GPC3: variants seen among roughly 807,000 people sequenced by gnomAD.
GPC3 encodes glypican 3.
In GPC3, 3 loss-of-function variants were observed where a neutral mutation model predicts 34.4. The ratio of observed to expected loss-of-function variants is 0.09; its 90% CI spans 0.04 to 0.23. The LOEUF is 0.23. GPC3 is among the 10% of genes least tolerant of loss of function. The pLI is 1.00. For synonymous variants in GPC3, 177 were observed against 174.0 expected (o/e 1.02, Z -0.13); for missense variants, 351 against 445.6 (o/e 0.79, Z 1.91).
At chrX:133,882,241 A>G (rs2267519) in intron 2 of GPC3, among the ~76,000 whole-genome samples, 44,048 of 110,197 alleles carry the variant, frequency 0.4, 7,809 homozygotes, top group African/African-American at 0.69. Context: ...TTTTGTAACC[A>G]GTGCCAGACC....
chrX:133,682,276 T>C (rs901082836), intron 5 of GPC3, among the ~76,000 whole-genome samples: 11 of 111,400 alleles, frequency 9.9e-5, no homozygotes, highest in African/African-American at 3.6e-4. Context: ...ATATAAATGT[T>C]AGAAGAAGGA....
At chrX:133,752,090 A>T (rs1047183692) in intron 3 of GPC3, among the ~76,000 whole-genome samples, 3 of 108,474 alleles carry the variant, frequency 2.8e-5, no homozygotes, top group Non-Finnish European at 5.7e-5. Flanking sequence ...CTGGTCTTGA[A>T]CTCCCAGCCT....
rs184816245 is a variant in GPC3, at chrX:133,799,581, C to T, written c.338-45405G>A. Among the ~76,000 whole-genome samples, 25 of 111,291 alleles carry T rather than the reference C, an allele frequency of 2.2e-4. No homozygotes were observed. In the East Asian group the frequency reaches 4.0e-3, roughly 18 times the overall value. On this transcript the variant is annotated intron_variant, in intron 2 of 7. Transcript: ENST00000370818. ...TATACAGTGCTACATAGCTTTTGTACGTGCTGTTTATTCTCTGTGCCTGAA... is the reference window on the plus strand; with the variant it reads ...TATACAGTGCTACATAGCTTTTGTATGTGCTGTTTATTCTCTGTGCCTGAA...
At chrX:133,752,136 G>A (rs1021945821) in intron 3 of GPC3, among the ~76,000 whole-genome samples, 4 of 110,892 alleles carry the variant, frequency 3.6e-5, no homozygotes, top group Non-Finnish European at 7.5e-5. Flanking sequence ...CCAAAGTGTT[G>A]GGATTACAGG....
At chrX:133,797,400 G>A (rs919936589) in intron 2 of GPC3, among the ~76,000 whole-genome samples, 1 of 111,580 alleles carries the variant, frequency 9.0e-6, no homozygotes, top group African/African-American at 3.3e-5. Flanking sequence ...ATGCTTGCTT[G>A]AACCTGGTGT....
intron 5 of GPC3, among the ~76,000 whole-genome samples, chrX:133,690,001 G>GAAAATTAAA (rs1352045752): frequency 2.4e-4 from 27 of 110,585 alleles, no homozygotes; most frequent in Non-Finnish European, 3.6e-4. Context: ...GTTTTTTTCT[G>GAAAATTAAA]AAAATTAAAA....
intron 3 of GPC3, among the ~76,000 whole-genome samples, chrX:133,732,353 A>G (rs2071470361): frequency 8.9e-6 from 1 of 111,791 alleles, no homozygotes; most frequent in Non-Finnish European, 1.9e-5. Flanking sequence ...CAAAGTTGGG[A>G]GAATGGATGA....
At chrX:133,713,381 A>T (rs769299431) in intron 3 of GPC3, among the ~76,000 whole-genome samples, 1 of 112,276 alleles carries the variant, frequency 8.9e-6, no homozygotes, top group Non-Finnish European at 1.9e-5. Context: ...TTTCACTGCC[A>T]AGCACACACA....
chrX:133,597,734 C>T (rs1360291117), intron 6 of GPC3, among the ~76,000 whole-genome samples: 1 of 111,502 alleles, frequency 9.0e-6, no homozygotes, highest in Non-Finnish European at 1.9e-5. Flanking sequence ...GTGGTTTTTA[C>T]GTTTTTATTT....
At chrX:133,859,319 T>C (rs1449837344) in intron 2 of GPC3, among the ~76,000 whole-genome samples, 3 of 110,890 alleles carry the variant, frequency 2.7e-5, no homozygotes, top group Non-Finnish European at 5.7e-5. Context: ...CCAGTCTTCC[T>C]GGAGAGGACT....
intron 2 of GPC3, among the ~76,000 whole-genome samples, chrX:133,784,417 T>C (rs1314134963): frequency 1.8e-5 from 2 of 111,462 alleles, no homozygotes; most frequent in African/African-American, 6.5e-5. Flanking sequence ...CTAGGAAATT[T>C]GTAATCAGGG....
chrX:133,699,922 T>C lies in GPC3; in HGVS notation c.1139A>G (p.His380Arg), dbSNP rs1201293547. The C allele has an allele frequency of 8.3e-7, 1 of 1,204,284 alleles. No homozygotes were observed. The highest frequency in any genetic ancestry group is 1.1e-6 in the Non-Finnish European group (1 of 889,533). The part of the protein sequence containing the change: ...KKVLKVAHVE[H>R]EETLSSRRRE... ...TCTTCGGCTGGATAAGGTTTCTTCA[T>C]GTTCTACATGAGCAACTTTTAATAC... The change falls in exon 4 of 8, where the codon CAT becomes CGT. Residue 380 changes from histidine to arginine, a missense_variant. Transcript: ENST00000370818.
At chrX:133,593,122 G>A (rs928685488) in intron 7 of GPC3, among the ~76,000 whole-genome samples, 34 of 109,816 alleles carry the variant, frequency 3.1e-4, no homozygotes, top group African/African-American at 1.0e-3. Context: ...GAGGTCAGGA[G>A]TTCGAGACCA....
At chrX:133,833,282 G>A (rs770305474) in intron 2 of GPC3, among the ~76,000 whole-genome samples, 1 of 111,532 alleles carries the variant, frequency 9.0e-6, no homozygotes, top group Non-Finnish European at 1.9e-5. Flanking sequence ...ATAAGGGCAT[G>A]AACATATATA....
rs1006129429 is a variant in GPC3, at chrX:133,957,018, T to A, written c.176-3807A>T. On this transcript the variant is annotated intron_variant, in intron 1 of 7. Transcript: ENST00000370818. The stretch of plus-strand genomic sequence containing the variant: ...TTATAAACTCCCACCACCTGAAGAA[T>A]CAGGTAAGCCAAAAATCTTTAAAAG... Among the ~76,000 whole-genome samples, 143 of 111,772 alleles carry A rather than the reference T, an allele frequency of 1.3e-3. 1 individual carries two copies. The highest frequency in any genetic ancestry group is 4.5e-3 in the African/African-American group (140 of 30,780).
intron 3 of GPC3, among the ~76,000 whole-genome samples, chrX:133,725,691 G>T (rs1034889218): frequency 1.8e-5 from 2 of 112,120 alleles, no homozygotes; most frequent in Admixed American, 9.4e-5. Flanking sequence ...GCAACACTTG[G>T]CTACACATAA....
intron 2 of GPC3, among the ~76,000 whole-genome samples, chrX:133,788,116 ATATATATG>A (rs1259034125): frequency 3.0e-4 from 27 of 89,035 alleles, no homozygotes; most frequent in African/African-American, 1.3e-3. Flanking sequence ...ATATATATAT[ATATATATG>A]TATGTATATA....
At chrX:133,611,151 G>C (rs772155113) in intron 6 of GPC3, among the ~76,000 whole-genome samples, 1 of 103,638 alleles carries the variant, frequency 9.6e-6, no homozygotes, top group Non-Finnish European at 2.0e-5. Flanking sequence ...TCTTCTTCCT[G>C]AATCCTTAGC....
At chrX:133,946,179 A>G (rs1272250275) in intron 2 of GPC3, among the ~76,000 whole-genome samples, 2 of 111,485 alleles carry the variant, frequency 1.8e-5, no homozygotes, top group African/African-American at 3.3e-5. Flanking sequence ...GTTCCCTTGC[A>G]AGGAGGAAAG....
Sources: gnomAD v4.1 joint callset for allele counts (sites outside exome capture counted in the v4.1 genomes callset) on GRCh38, gnomAD v4.1.1 for gene constraint, MANE v1.5 for transcripts, NCBI Gene and HGNC (gene_info 2026-07-23, HGNC 2026-07-21) for gene names.